Variants in AGRN observed in about 807,000 individuals in gnomAD.
The protein encoded by AGRN is agrin.
A neutral mutation model predicts 211.0 loss-of-function variants in AGRN; 106 were observed. That is an observed-to-expected ratio of 0.50 (90% CI 0.43 to 0.59). The LOEUF is 0.59. Among genes scored for constraint, AGRN ranks in the 20% least tolerant of loss-of-function variants. AGRN has a pLI of 0.00. For missense variants in AGRN, 3,040 were observed against 2,982.6 expected (o/e 1.02, Z -0.45); for synonymous variants, 1,525 against 1,332.5 (o/e 1.14, Z -3.15).
chr1:1,034,522 C>T, intron 2 of AGRN: 1 of 986,054 alleles, frequency 1.0e-6, no homozygotes, highest in Non-Finnish European at 1.2e-6. Flanking sequence ...CCCCCACGCT[C>T]TGAGAGTGGG....
rs983331014 is a variant in AGRN at position 1,022,528 on chromosome 1, G to A, written c.463+66G>A. ...GGGCAGTGGCCAAGGGGGACAGGTTGCAGGGGTCGCTGTGCGGGGTCCTTT... is the reference window on the plus strand; with the variant it reads ...GGGCAGTGGCCAAGGGGGACAGGTTACAGGGGTCGCTGTGCGGGGTCCTTT... On this transcript the variant is annotated intron_variant, in intron 2 of 35. Coordinates refer to ENST00000379370, the MANE Select transcript of AGRN (RefSeq NM_198576.4). The A allele has an allele frequency of 7.8e-6, 12 of 1,532,440 alleles. No homozygotes were observed. In the African/African-American group the frequency reaches 1.5e-4, roughly 19 times the overall value. The allele number at this position is 1,532,440 out of a possible 1,614,324, so 94.9% of individuals were successfully genotyped here.
Position 1,040,833 on chromosome 1 carries a change from A to C in AGRN, c.680A>C (p.Gln227Pro). 6.5e-7 allele frequency: 1 copy of C among 1,534,434 alleles called. No individual in the cohort carries two copies. ...AACGAATGCGAGCTGCAGCGGGCGC[A>C]GTGCAGCCAGCAGCGCCGCATCCGC... Reference protein sequence around the residue: ...YSNECELQRAQCSQQRRIRLL... With the variant: ...YSNECELQRAPCSQQRRIRLL... Residue 227 changes from glutamine to proline, a missense_variant, in exon 4 of 36, where the codon CAG (glutamine) becomes CCG (proline). Coordinates refer to ENST00000379370, the MANE Select transcript of AGRN (RefSeq NM_198576.4).
chr1:1,048,404 A>G lies in AGRN; in HGVS notation c.4105+39A>G. ...CTGCAGAGGAGGGCGGGGAGGCAGC[A>G]GGGTGGGGGCAAGGATTGGGGGTGG... On this transcript the variant is annotated intron_variant, in intron 23 of 35. Transcript: ENST00000379370. This position sits in a 1 kb window ranked among gnomAD's most constrained non-coding sequence, Gnocchi z 5.9. 2.6e-6 allele frequency: 2 copies of G among 770,446 alleles called. No individual in the cohort carries two copies. The allele number at this position is 770,446 out of a possible 1,614,324, so 47.7% of individuals were successfully genotyped here. A position where few individuals can be genotyped will look rare whatever the true frequency, so the allele number is the denominator to read the frequency against.
chr1:1,027,830 C>T (rs976466345), intron 2 of AGRN, among the ~76,000 whole-genome samples: 6 of 152,194 alleles, frequency 3.9e-5, no homozygotes, highest in African/African-American at 1.4e-4. Flanking sequence ...CTCCCTGCCC[C>T]GCCGTTTGGC....
chr1:1,044,285 GGGC>G, intron 11 of AGRN, 28 bp downstream of exon 11: 1 of 1,612,464 alleles, frequency 6.2e-7, no homozygotes, highest in South Asian at 1.1e-5. Context: ...GGCTCTCGGC[GGGC>G]GGCGGGGACG....
At chr1:1,053,417 G>T in intron 33 of AGRN, 2 of 1,374,694 alleles carry the variant, frequency 1.5e-6, no homozygotes, top group Middle Eastern at 2.0e-4. Flanking sequence ...CATTGGCCCC[G>T]CCTGTCCCCT....
chr1:1,042,031 G>C lies in AGRN; in HGVS notation c.1253G>C (p.Arg418Pro). The C allele has an allele frequency of 6.2e-7, 1 of 1,610,200 alleles. No individual in the cohort carries two copies. The highest frequency in any genetic ancestry group is 8.5e-7 in the Non-Finnish European group (1 of 1,179,636). The stretch of plus-strand genomic sequence containing the variant: ...GGCCGTCCCCGCTGCTCCTGCGACC[G>C]CGTCACCTGTGACGGGGCCTACAGG... Reference protein sequence around the residue: ...RRGRPRCSCDRVTCDGAYRPV... With the variant: ...RRGRPRCSCDPVTCDGAYRPV... The change falls in exon 7 of 36, where the codon CGC (arginine) becomes CCC (proline). Residue 418 changes from arginine (R) to proline (P), a missense_variant. Coordinates refer to ENST00000379370, the MANE Select transcript of AGRN (RefSeq NM_198576.4).
intron 7 of AGRN, among the ~76,000 whole-genome samples, chr1:1,042,441 C>G (rs553230866): frequency 2.6e-5 from 4 of 152,154 alleles, no homozygotes; most frequent in Non-Finnish European, 5.9e-5. Context: ...CATGTCTCCA[C>G]GCTGTAAGCA....
intron 17 of AGRN, 65 bp from the exon 18 acceptor site, chr1:1,046,332 C>T (rs961997809): frequency 4.4e-5 from 70 of 1,608,408 alleles, no homozygotes; most frequent in Admixed American, 8.4e-5. Flanking sequence ...AATCCAGCCC[C>T]ACCCGCCCTG....
At position 1,043,276 on chromosome 1, in the gene AGRN, A is replaced by T. The variant is rs375347730; in HGVS notation, c.1422A>T (p.Ala474=). The change falls in exon 8 of 36, where the codon GCA becomes GCT. Residue 474 remains alanine (A), a synonymous_variant. Coordinates refer to ENST00000379370, the MANE Select transcript of AGRN (RefSeq NM_198576.4). ...CCCCATGCCTCGGGGTGCAGTGTGCATTTGGGGCGACGTGTGCTGTGAAGA... is the reference window on the plus strand; with the variant it reads ...CCCCATGCCTCGGGGTGCAGTGTGCTTTTGGGGCGACGTGTGCTGTGAAGA... ...APSPCLGVQC[A]FGATCAVKNG... The T allele has an allele frequency of 6.2e-7, 1 of 1,611,364 alleles. No individual in the cohort carries two copies. The highest frequency in any genetic ancestry group is 8.5e-7 in the Non-Finnish European group (1 of 1,179,438).
rs1645421583 is a variant in AGRN, at chr1:1,055,176, G to A, written c.*195G>A. Reference sequence around the variant, plus strand: ...GCGAGGTGGCAGCGTGGAGGGCTCGGCGTGGATGGCAGCCTCAGGACACAC... The same window carrying A: ...GCGAGGTGGCAGCGTGGAGGGCTCGACGTGGATGGCAGCCTCAGGACACAC... On this transcript the variant is annotated 3_prime_UTR_variant, in exon 36 of 36. Transcript: ENST00000379370. 3 of 856,496 alleles carry A rather than the reference G, an allele frequency of 3.5e-6. No homozygotes were observed. Among genetic ancestry groups the A allele is most frequent in the Non-Finnish European group, 5.5e-6 (3 of 549,782 alleles). 53.1% of individuals were successfully genotyped at this position (856,496 alleles called of 1,614,324 possible).
At chr1:1,047,020 C>G in intron 19 of AGRN, 63 bp downstream of exon 19, 1 of 1,547,166 alleles carries the variant, frequency 6.5e-7, no homozygotes, top group Non-Finnish European at 8.7e-7. Flanking sequence ...GGTGCTGCCC[C>G]CTCGCCTGGG....
In AGRN at chr1:1,048,796, G is replaced by A; in HGVS notation, c.4106-71G>A. 3.2e-6 allele frequency: 4 copies of A among 1,238,220 alleles called. No homozygotes were observed. The highest frequency in any genetic ancestry group is 3.3e-6 in the Non-Finnish European group (3 of 915,334). 76.7% of individuals were successfully genotyped at this position (1,238,220 alleles called of 1,614,324 possible). ...AAAAAAAAAAAAAAAAAAAGCAGGG[G>A]GCGGTTTCAGGGATAAAAGTGGGGA... On this transcript the variant is annotated intron_variant, in intron 23 of 35. Coordinates refer to ENST00000379370, the MANE Select transcript of AGRN (RefSeq NM_198576.4). The surrounding 1 kb of genome is among the most constrained non-coding windows in gnomAD (Gnocchi z 5.9).
intron 3 of AGRN, among the ~76,000 whole-genome samples, chr1:1,038,106 ACCAGCACTGTGACCTTTAAACCCTGGGC>A (rs1644844736): frequency 6.6e-6 from 1 of 152,040 alleles, no homozygotes; most frequent in Non-Finnish European, 1.5e-5. Context: ...GGAGGGAGGG[ACCAGCACTGTGACCTTTAAACCCTGGGC>A]TGGCCGGCAG....
rs761546295 is a variant in AGRN at position 1,047,615 on chromosome 1, C to T, written c.3559C>T (p.Arg1187Trp). Residue 1187 changes from arginine to tryptophan, a missense_variant, in exon 21 of 36, where the codon CGG becomes TGG. This residue lies in a region of AGRN where 1,537 missense variants were observed against 1,505.0 expected (regional missense o/e 1.02). Transcript: ENST00000379370. ...FRNSDVKKDF[R>W]SVRLRDLGPG... ...GAATTCAGACGTCAAGAAGGATTTT[C>T]GGAGTGTCCGCTTGCGGGACCTGGG... 14 of 1,612,924 alleles carry T rather than the reference C, an allele frequency of 8.7e-6. No individual in the cohort carries two copies. The highest frequency in any genetic ancestry group is 2.2e-5 in the East Asian group (1 of 44,896).
chr1:1,024,884 CCT>C (rs2100571551), intron 2 of AGRN, among the ~76,000 whole-genome samples: 1 of 152,346 alleles, frequency 6.6e-6, no homozygotes, highest in Non-Finnish European at 1.5e-5. Flanking sequence ...CCCGCTGCTC[CCT>C]CCGGAAGGAG....
intron 2 of AGRN, among the ~76,000 whole-genome samples, chr1:1,023,916 C>T (rs1644464316): frequency 6.6e-6 from 1 of 152,134 alleles, no homozygotes. Flanking sequence ...CAGGGACGAG[C>T]TCCAGGTGGG....
At position 1,046,562 on chromosome 1, in the gene AGRN, C is replaced by G. The variant is rs3813188; in HGVS notation, c.3077C>G (p.Thr1026Ser). 17 of 1,609,206 alleles carry G rather than the reference C, an allele frequency of 1.1e-5. No homozygotes were observed. Among genetic ancestry groups the G allele is most frequent in the Non-Finnish European group, 1.4e-5 (17 of 1,179,350 alleles). ...CCTCCGCCCTCATCACGACCTCGGACCACTGCCAGCGTCCCCAGGACCACC... is the reference window on the plus strand; with the variant it reads ...CCTCCGCCCTCATCACGACCTCGGAGCACTGCCAGCGTCCCCAGGACCACC... ...TTPPPSSRPR[T>S]TASVPRTTVW... The change falls in exon 18 of 36, where the codon ACC becomes AGC. Residue 1026 changes from threonine to serine, a missense_variant. Around this residue, in one of 3 missense-constraint regions of AGRN, gnomAD observed 1,537 missense variants for 1,505.0 expected, o/e 1.02. Coordinates refer to ENST00000379370, the MANE Select transcript of AGRN (RefSeq NM_198576.4).
chr1:1,050,023 C>T lies in AGRN; in HGVS notation c.4865C>T (p.Thr1622Ile). 6.2e-7 allele frequency: 1 copy of T among 1,600,028 alleles called. No homozygotes were observed. Among genetic ancestry groups the T allele is most frequent in the Non-Finnish European group, 8.5e-7 (1 of 1,174,242 alleles). The change falls in exon 27 of 36, where the codon ACC (threonine) becomes ATC (isoleucine). Residue 1622 changes from threonine (T) to isoleucine (I), a missense_variant. By Grantham distance (89) the Thr-to-Ile change is moderately conservative. Coordinates refer to ENST00000379370, the MANE Select transcript of AGRN (RefSeq NM_198576.4). ...QCECPLGREGTFCQTASGQDG... is the reference protein window; with the variant it reads ...QCECPLGREGIFCQTASGQDG... ...GAGTGCCCCCTGGGGCGTGAGGGCA[C>T]CTTCTGCCAGACAGGTCGGGGGCGT...
Sources: gnomAD v4.1 joint callset for allele counts (sites outside exome capture counted in the v4.1 genomes callset) on GRCh38, gnomAD v4.1.1 for gene constraint, gnomAD v4.1.1 regional missense constraint, Gnocchi (gnomAD v3.1) non-coding constraint, MANE v1.5 for transcripts, NCBI Gene and HGNC (gene_info 2026-07-23, HGNC 2026-07-21) for gene names.